Variants in CAMK1D observed in about 807,000 individuals in gnomAD.
CAMK1D encodes the protein calcium/calmodulin dependent protein kinase ID.
A neutral mutation model predicts 47.7 loss-of-function variants in CAMK1D; 9 were observed. That is an observed-to-expected ratio of 0.19 (90% confidence interval 0.11 to 0.33). The LOEUF is 0.33. CAMK1D is among the 10% of genes least tolerant of loss of function. CAMK1D has a pLI of 1.00. For synonymous variants in CAMK1D, 184 were observed against 184.9 expected, an observed-to-expected ratio of 0.99 and a Z score of 0.04; for missense variants, 291 against 488.7, an observed-to-expected ratio of 0.60 and a Z score of 3.81.
intron 3 of CAMK1D, among the ~76,000 whole-genome samples, chr10:12,704,101 A>T (rs1421364402): frequency 6.6e-6 from 1 of 152,208 alleles, no homozygotes; most frequent in East Asian, 1.9e-4. Context: ...AAGTTATTCA[A>T]AAGACCCAAT....
chr10:12,734,363 TATATATATATATATAG>T (rs1835048600), intron 3 of CAMK1D, among the ~76,000 whole-genome samples: 1 of 10,182 alleles, frequency 9.8e-5, no homozygotes, highest in African/African-American at 3.5e-4. Context: ...TATATATATA[TATATATATATATATAG>T]ATATAGATAT....
intron 3 of CAMK1D, among the ~76,000 whole-genome samples, chr10:12,689,957 A>C (rs1464776280): frequency 6.6e-6 from 1 of 152,230 alleles, no homozygotes; most frequent in South Asian, 2.1e-4. Context: ...TAAACAAGAC[A>C]TTAACATACG....
intron 3 of CAMK1D, among the ~76,000 whole-genome samples, chr10:12,729,240 A>G (rs755124005): frequency 8.5e-5 from 13 of 152,152 alleles, no homozygotes; most frequent in Admixed American, 4.6e-4. Context: ...ACAAAATTCA[A>G]TAAGATCTCC....
chr10:12,729,371 C>T (rs1453879411), intron 3 of CAMK1D, among the ~76,000 whole-genome samples: 1 of 152,210 alleles, frequency 6.6e-6, no homozygotes, highest in African/African-American at 2.4e-5. Flanking sequence ...CACAGTGGCT[C>T]ATGCCTGTAA....
intron 2 of CAMK1D, among the ~76,000 whole-genome samples, chr10:12,561,457 T>C (rs1265563356): frequency 6.6e-6 from 1 of 152,116 alleles, no homozygotes; most frequent in South Asian, 2.1e-4. Flanking sequence ...TCTTCCATAA[T>C]GATGGCCCTT....
chr10:12,826,581 C>T (rs761654899), intron 10 of CAMK1D, among the ~76,000 whole-genome samples: 4 of 152,148 alleles, frequency 2.6e-5, no homozygotes, highest in Non-Finnish European at 5.9e-5. Flanking sequence ...CCCATGGGTC[C>T]TCTCCACATC....
intron 1 of CAMK1D, chr10:12,415,792 T>A (rs1244584205): frequency 6.6e-6 from 1 of 151,558 alleles, no homozygotes; most frequent in Admixed American, 6.6e-5. Flanking sequence ...ACATGGTTGA[T>A]AATGAGATGG....
chr10:12,769,074 C>T (rs1295056106), intron 4 of CAMK1D, among the ~76,000 whole-genome samples: 2 of 152,192 alleles, frequency 1.3e-5, no homozygotes, highest in South Asian at 2.1e-4. Context: ...AACAGAAGTG[C>T]GGACCCCTTA....
At chr10:12,470,921 C>T (rs1833726259) in intron 1 of CAMK1D, among the ~76,000 whole-genome samples, 1 of 152,064 alleles carries the variant, frequency 6.6e-6, no homozygotes, top group African/African-American at 2.4e-5. Flanking sequence ...TGTGTGTGTA[C>T]GTGCGTGCGT....
chr10:12,545,722 CCAGGGAGTCGGAGGTTG>C (rs1182976100), intron 1 of CAMK1D, among the ~76,000 whole-genome samples: 1 of 151,568 alleles, frequency 6.6e-6, no homozygotes, highest in African/African-American at 2.4e-5. Flanking sequence ...ATCGCTTGAA[CCAGGGAGTCGGAGGTTG>C]CAGTGAGCCA....
At chr10:12,666,909 A>G in intron 3 of CAMK1D, 99 bp downstream of exon 3, 1 of 970,542 alleles carries the variant, frequency 1.0e-6, no homozygotes, top group South Asian at 1.4e-5. Flanking sequence ...TGGGCCAGGT[A>G]AGGCAGTAGG....
chr10:12,698,029 A>G (rs1564501943), intron 3 of CAMK1D, among the ~76,000 whole-genome samples: 1 of 152,194 alleles, frequency 6.6e-6, no homozygotes, highest in Admixed American at 6.5e-5. Flanking sequence ...TGGCCTTGGA[A>G]TGGCTGCCAT....
At chr10:12,816,917 A>G (rs528041996) in intron 8 of CAMK1D, among the ~76,000 whole-genome samples, 1 of 151,342 alleles carries the variant, frequency 6.6e-6, no homozygotes, top group East Asian at 2.0e-4. Context: ...AGACTGGGCA[A>G]TTTACAAAAG....
chr10:12,623,236 CCTCCCTTCCTT>C, intron 2 of CAMK1D, among the ~76,000 whole-genome samples: 1 of 4,994 alleles, frequency 2.0e-4, no homozygotes, highest in East Asian at 5.2e-3. Context: ...TCCCTCCCTT[CCTCCCTTCCTT>C]CCTCCCTCCT....
At chr10:12,556,041 G>A (rs1445873655) in intron 2 of CAMK1D, among the ~76,000 whole-genome samples, 2 of 152,178 alleles carry the variant, frequency 1.3e-5, no homozygotes, top group Non-Finnish European at 2.9e-5. Context: ...AGTATCCGCT[G>A]CTGGAGTACC....
chr10:12,650,402 G>A (rs999018084), intron 2 of CAMK1D, among the ~76,000 whole-genome samples: 13 of 152,218 alleles, frequency 8.5e-5, no homozygotes, highest in African/African-American at 1.9e-4. Context: ...TGATGTTTAC[G>A]TACACTTCTG....
chr10:12,476,665 G>A (rs1041322144), intron 1 of CAMK1D, among the ~76,000 whole-genome samples: 2 of 152,082 alleles, frequency 1.3e-5, no homozygotes, highest in African/African-American at 4.8e-5. Context: ...GGTTTGTTTC[G>A]AAGGTGACAG....
intron 8 of CAMK1D, among the ~76,000 whole-genome samples, chr10:12,820,320 C>A (rs1399021039): frequency 6.6e-6 from 1 of 152,206 alleles, no homozygotes; most frequent in Non-Finnish European, 1.5e-5. Context: ...CCATGCCCGG[C>A]CTACAGTACA....
At chr10:12,496,582 G>A (rs1338233536) in intron 1 of CAMK1D, among the ~76,000 whole-genome samples, 2 of 152,176 alleles carry the variant, frequency 1.3e-5, no homozygotes, top group Non-Finnish European at 2.9e-5. Context: ...TGAGGGAGGT[G>A]GGTCTAGTCC....
Sources: gnomAD v4.1 joint callset for allele counts (sites outside exome capture counted in the v4.1 genomes callset) on GRCh38, gnomAD v4.1.1 for gene constraint, MANE v1.5 for transcripts, NCBI Gene and HGNC (gene_info 2026-07-23, HGNC 2026-07-21) for gene names.